Variants in PDE1C observed in about 807,000 individuals in gnomAD.
PDE1C encodes phosphodiesterase 1C.
PDE1C carries 62 observed loss-of-function variants against 93.1 expected under a neutral mutation model. The ratio of observed to expected loss-of-function variants is 0.67; its 90% CI spans 0.54 to 0.82. PDE1C has a LOEUF of 0.82. Ranked by LOEUF, PDE1C falls within the 40% of genes least tolerant of loss-of-function variation. The probability of loss-of-function intolerance (pLI) is 0.00; values close to 1 mark genes in which losing one functional copy is unlikely to be tolerated. For missense variants in PDE1C, 742 were observed against 884.6 expected (o/e 0.84, Z 2.04); for synonymous variants, 325 against 310.1 (o/e 1.05, Z -0.50).
intron 7 of PDE1C, among the ~76,000 whole-genome samples, chr7:31,851,296 G>C (rs993908250): frequency 1.3e-5 from 2 of 152,138 alleles, no homozygotes; most frequent in African/African-American, 4.8e-5. Flanking sequence ...GTGGGTCAGT[G>C]GTTCACAAAA....
At chr7:31,736,746 T>C in the PDE1C span, among the ~76,000 whole-genome samples, 1 of 151,980 alleles carries the variant, frequency 6.6e-6, no homozygotes, top group Non-Finnish European at 1.5e-5. Flanking sequence ...TGTTATAGAG[T>C]TAATGCTATG....
intron 2 of PDE1C, among the ~76,000 whole-genome samples, chr7:32,178,329 T>C (rs1490186101): frequency 1.3e-5 from 2 of 151,996 alleles, no homozygotes; most frequent in Admixed American, 6.6e-5. Flanking sequence ...TCTGAGAGAG[T>C]GGAAAAGAAC....
downstream of PDE1C, among the ~76,000 whole-genome samples, chr7:31,749,427 GT>G (rs1794073973): frequency 6.6e-6 from 1 of 152,100 alleles, no homozygotes; most frequent in African/African-American, 2.4e-5. Flanking sequence ...TCTGCTATGG[GT>G]TTTTTGTGCT....
At chr7:32,040,159 C>T (rs1254872935) in intron 2 of PDE1C, among the ~76,000 whole-genome samples, 2 of 152,116 alleles carry the variant, frequency 1.3e-5, no homozygotes, top group African/African-American at 2.4e-5. Context: ...AAAATAGTAA[C>T]ATTGATAACA....
upstream of PDE1C, among the ~76,000 whole-genome samples, chr7:32,075,216 T>C (rs1796282551): frequency 6.6e-6 from 1 of 152,204 alleles, no homozygotes; most frequent in African/African-American, 2.4e-5. Context: ...AGAGCAAAGC[T>C]TTTTTTCTTT....
At chr7:32,157,404 G>A (rs559399146) in intron 3 of PDE1C, among the ~76,000 whole-genome samples, 1 of 152,214 alleles carries the variant, frequency 6.6e-6, no homozygotes, top group African/African-American at 2.4e-5. Context: ...TTTGATCATT[G>A]TACATTGTAT....
chr7:32,179,265 CT>C (rs3079597), intron 2 of PDE1C, among the ~76,000 whole-genome samples: 32,143 of 131,038 alleles, frequency 0.25, 3,541 homozygotes, highest in South Asian at 0.41. Context: ...CTGACTTAGT[CT>C]TTTTTTTTTT....
intron 3 of PDE1C, among the ~76,000 whole-genome samples, chr7:32,120,918 A>C (rs1799266168): frequency 6.6e-6 from 1 of 152,168 alleles, no homozygotes; most frequent in Admixed American, 6.5e-5. Flanking sequence ...AAGATGGGTA[A>C]TAAAAAACTC....
the PDE1C span, among the ~76,000 whole-genome samples, chr7:31,620,049 TGGGGGAGG>T: frequency 1.3e-5 from 2 of 152,056 alleles, no homozygotes; most frequent in East Asian, 3.9e-4. Flanking sequence ...GCAGCGAGGC[TGGGGGAGG>T]GGTGCCCGCC....
At chr7:32,197,571 G>A (rs1316933995) in intron 2 of PDE1C, among the ~76,000 whole-genome samples, 1 of 152,114 alleles carries the variant, frequency 6.6e-6, no homozygotes, top group Non-Finnish European at 1.5e-5. Context: ...CTGAGGAAAG[G>A]AAAAATAAAA....
At chr7:32,108,433 CCA>C (rs10696295) in intron 3 of PDE1C, among the ~76,000 whole-genome samples, 15 of 146,678 alleles carry the variant, frequency 1.0e-4, no homozygotes, top group East Asian at 6.1e-4. Context: ...AGAAAAAAAA[CCA>C]CACACACACA....
chr7:31,851,749 C>T (rs1445509793), intron 7 of PDE1C, among the ~76,000 whole-genome samples: 1 of 152,160 alleles, frequency 6.6e-6, no homozygotes, highest in African/African-American at 2.4e-5. Flanking sequence ...AAAATATGGA[C>T]ACAAAATTGG....
intron 3 of PDE1C, chr7:32,077,907 T>C (rs1796441879): frequency 1.0e-6 from 1 of 985,226 alleles, no homozygotes; most frequent in African/African-American, 1.7e-5. Context: ...GTCCAAGAAG[T>C]CTGCCAGCTT....
At chr7:31,873,140 G>T in intron 6 of PDE1C, 152 bp downstream of exon 6, 1 of 576,648 alleles carries the variant, frequency 1.7e-6, no homozygotes. Context: ...CTCCACAGAG[G>T]AATTCACAGC....
intron 3 of PDE1C, among the ~76,000 whole-genome samples, chr7:32,167,182 C>A (rs1562540567): frequency 6.6e-6 from 1 of 152,132 alleles, no homozygotes; most frequent in Non-Finnish European, 1.5e-5. Flanking sequence ...AGCTTTAGAG[C>A]AGACTGTCCC....
At chr7:31,670,569 G>A in the PDE1C span, among the ~76,000 whole-genome samples, 1 of 152,088 alleles carries the variant, frequency 6.6e-6, no homozygotes, top group Non-Finnish European at 1.5e-5. Context: ...ATTCTAAAAA[G>A]GTTGAAGTAT....
chr7:32,420,308 T>C lies in PDE1C; in HGVS notation c.310+7514A>G, dbSNP rs1231671408. On this transcript the variant is annotated intron_variant, in intron 1 of 1. Coordinates refer to the PDE1C transcript ENST00000672256. The stretch of plus-strand genomic sequence containing the variant: ...ATGTGTATATATATGTGTATATATA[T>C]ACATGTGTATATATATGTGTATATA... Among the ~76,000 whole-genome samples the C allele has an allele frequency of 3.1e-4, 7 of 22,716 alleles. 2 individuals are homozygous for C. Among genetic ancestry groups the C allele is most frequent in the Admixed American group, 1.6e-3 (2 of 1,276 alleles). 14.9% of individuals were successfully genotyped at this position (22,716 alleles called of 152,430 possible).
At chr7:31,668,416 A>T in the PDE1C span, among the ~76,000 whole-genome samples, 1 of 152,292 alleles carries the variant, frequency 6.6e-6, no homozygotes, top group Admixed American at 6.5e-5. Context: ...GAGTAGAAAT[A>T]ACATCACAAA....
At chr7:31,776,794 G>T (rs1193742427) in intron 16 of PDE1C, among the ~76,000 whole-genome samples, 1 of 152,086 alleles carries the variant, frequency 6.6e-6, no homozygotes. Flanking sequence ...TGGCAGAAAT[G>T]CAGAGAGAAT....
Sources: gnomAD v4.1 joint callset for allele counts (sites outside exome capture counted in the v4.1 genomes callset) on GRCh38, gnomAD v4.1.1 for gene constraint, MANE v1.5 for transcripts, NCBI Gene and HGNC (gene_info 2026-07-23, HGNC 2026-07-21) for gene names.